The following USP42 variants were observed in gnomAD, a reference collection of about 807,000 sequenced individuals.
USP42 encodes the protein ubiquitin carboxyl-terminal hydrolase 42.
Under a neutral mutation model 113.0 loss-of-function variants are expected in USP42, and 23 were observed. The observed-to-expected ratio is 0.20, with a 90% CI of 0.15 to 0.29. The LOEUF (loss-of-function observed/expected upper bound fraction) is 0.29. Ranked by LOEUF, USP42 falls within the 10% of genes least tolerant of loss-of-function variation. The pLI, the probability that USP42 is intolerant of heterozygous loss-of-function variation, is 1.00. For missense variants in USP42, 2,174 were observed against 1,779.8 expected, an observed-to-expected ratio of 1.22 and a Z score of -3.99; for synonymous variants, 933 against 699.0, an observed-to-expected ratio of 1.33 and a Z score of -5.28.
intron 3 of USP42, among the ~76,000 whole-genome samples, chr7:6,122,280 T>G (rs780153330): frequency 4.6e-4 from 42 of 90,908 alleles, no homozygotes; most frequent in South Asian, 2.5e-3. Context: ...CATGTGTCAG[T>G]TTTTTTTTTT....
At position 6,153,984 on chromosome 7, in the gene USP42, G is replaced by C. The variant is rs746891100; in HGVS notation, c.2430G>C (p.Val810=). Residue 810 remains valine (V), a synonymous_variant, in exon 15 of 18, where the codon GTG becomes GTC. Transcript: ENST00000306177. ...CGCCCAGCGCCGGCGAGGACATCGT[G>C]GGGGACACAGCACCCCCTGACCTGT... The part of the protein sequence containing the change: ...EPPPSAGEDI[V]GDTAPPDLCD... 3.8e-6 allele frequency: 6 copies of C among 1,597,992 alleles called. No individual in the cohort carries two copies. In the South Asian group the frequency reaches 5.5e-5, roughly 15 times the overall value.
At chr7:6,086,495 G>A in the USP42 span, among the ~76,000 whole-genome samples, 73 of 151,100 alleles carry the variant, frequency 4.8e-4, no homozygotes, top group East Asian at 0.012. Context: ...GTGAGCCACC[G>A]CGCCCAGCCT....
chr7:6,153,731 G>A (rs1562853336), intron 14 of USP42, 25 bp from the exon 15 acceptor site: 3 of 1,432,544 alleles, frequency 2.1e-6, no homozygotes, highest in East Asian at 2.7e-5. Flanking sequence ...GCTAACGGGC[G>A]TGTTTGTTTG....
intron 3 of USP42, among the ~76,000 whole-genome samples, chr7:6,124,708 A>AT (rs1052973785): frequency 6.6e-6 from 1 of 151,120 alleles, no homozygotes; most frequent in African/African-American, 2.4e-5. Context: ...CCATCTTGCT[A>AT]TTTTTTTTCC....
At chr7:6,096,598 C>G in the USP42 span, among the ~76,000 whole-genome samples, 1 of 151,452 alleles carries the variant, frequency 6.6e-6, no homozygotes, top group East Asian at 1.9e-4. Flanking sequence ...TGCATTCCAT[C>G]CAAGGTTTGG....
intron 3 of USP42, among the ~76,000 whole-genome samples, chr7:6,119,327 C>G (rs1049539129): frequency 6.6e-5 from 10 of 152,032 alleles, no homozygotes; most frequent in Non-Finnish European, 1.2e-4. Context: ...AAAAAAAATT[C>G]TCTGGGTGTG....
chr7:6,137,317 T>C (rs1450275785), intron 4 of USP42, among the ~76,000 whole-genome samples: 1 of 152,254 alleles, frequency 6.6e-6, no homozygotes, highest in African/African-American at 2.4e-5. Context: ...TGGCAAAATT[T>C]AGCCAGGCAG....
At chr7:6,151,265 C>T (rs368591682) in intron 14 of USP42, among the ~76,000 whole-genome samples, 3 of 152,216 alleles carry the variant, frequency 2.0e-5, no homozygotes, top group Non-Finnish European at 4.4e-5. Context: ...AAACACTGCA[C>T]ACTTCAGCCG....
intron 3 of USP42, among the ~76,000 whole-genome samples, chr7:6,120,326 T>A (rs953483112): frequency 6.6e-6 from 1 of 152,096 alleles, no homozygotes; most frequent in African/African-American, 2.4e-5. Flanking sequence ...CACTGTAACC[T>A]CCACCTCTTC....
the USP42 span, among the ~76,000 whole-genome samples, chr7:6,087,296 G>A: frequency 1.3e-5 from 2 of 149,910 alleles, no homozygotes. Flanking sequence ...CTACCAAAGT[G>A]CTGGGATTAC....
At chr7:6,083,654 T>G in the USP42 span, among the ~76,000 whole-genome samples, 1 of 150,620 alleles carries the variant, frequency 6.6e-6, no homozygotes. Flanking sequence ...TATAAGTATA[T>G]AGTATATTGA....
intron 11 of USP42, 98 bp downstream of exon 11, chr7:6,146,346 A>AC: frequency 1.2e-6 from 1 of 828,518 alleles, no homozygotes; most frequent in South Asian, 1.8e-5. Flanking sequence ...TTAAAAAAAA[A>AC]AAAAAACCCA....
chr7:6,159,334 C>T lies in USP42; in HGVS notation c.3944-116C>T, dbSNP rs965786392. On this transcript the variant is annotated intron_variant, in intron 16 of 17. Coordinates refer to ENST00000306177, the MANE Select transcript of USP42 (RefSeq NM_032172.3). The surrounding 1 kb of genome is among the most constrained non-coding windows in gnomAD (Gnocchi z 4.1). ...CACCTCACTGGGGAGTGGCCTCAGG[C>T]GCTCACAGGGAACCGCAGTGACTCT... The T allele has an allele frequency of 5.1e-6, 7 of 1,377,634 alleles. No homozygotes were observed. Among genetic ancestry groups the T allele is most frequent in the South Asian group, 2.5e-5 (2 of 79,440 alleles). The allele number at this position is 1,377,634 out of a possible 1,614,324, so 85.3% of individuals were successfully genotyped here. A position where few individuals can be genotyped will look rare whatever the true frequency, so the allele number is the denominator to read the frequency against.
intron 7 of USP42, among the ~76,000 whole-genome samples, chr7:6,142,298 C>A (rs1562837237): frequency 1.3e-5 from 2 of 151,154 alleles, no homozygotes; most frequent in South Asian, 4.2e-4. Flanking sequence ...CTCACTGCAA[C>A]CTCCACCTCC....
chr7:6,139,006 A>T lies in USP42; in HGVS notation c.554-86A>T. 1 of 825,074 alleles carries T rather than the reference A, an allele frequency of 1.2e-6. No homozygotes were observed. Among genetic ancestry groups the T allele is most frequent in the Non-Finnish European group, 1.9e-6 (1 of 535,952 alleles). The allele number at this position is 825,074 out of a possible 1,614,324, so 51.1% of individuals were successfully genotyped here. On this transcript the variant is annotated intron_variant, in intron 4 of 17. Coordinates refer to ENST00000306177, the MANE Select transcript of USP42 (RefSeq NM_032172.3). This position sits in a 1 kb window ranked among gnomAD's most constrained non-coding sequence, Gnocchi z 4.5. ...AGTATTTGGGAGTTTTCCAACCAAC[A>T]TATTATTATAAGATATATTTTGGGG...
At chr7:6,149,549 G>A (rs775537415) in intron 12 of USP42, 34 bp from the exon 13 acceptor site, 2 of 1,572,638 alleles carry the variant, frequency 1.3e-6, no homozygotes, top group Admixed American at 1.8e-5. Context: ...CATGTTTCTG[G>A]AGCTCTGACC....
Position 6,150,054 on chromosome 7 carries a change from A to C in USP42, c.1858A>C (p.Lys620Gln), listed in dbSNP as rs758584009. The C allele has an allele frequency of 1.2e-6, 2 of 1,610,132 alleles. No individual in the cohort carries two copies. The highest frequency in any genetic ancestry group is 1.3e-5 in the African/African-American group (1 of 74,848). The change falls in exon 13 of 18, where the codon AAG becomes CAG. Residue 620 changes from lysine to glutamine, a missense_variant. Transcript: ENST00000306177. ...ESSEDSDEESKGLGKENGIGT... is the reference protein window; with the variant it reads ...ESSEDSDEESQGLGKENGIGT... Reference sequence around the variant, plus strand: ...CTCTGAGGACTCTGACGAGGAGTCAAAGGGGCTGGGCAAGGAGAATGGGAT... The same window carrying C: ...CTCTGAGGACTCTGACGAGGAGTCACAGGGGCTGGGCAAGGAGAATGGGAT...
upstream of USP42, among the ~76,000 whole-genome samples, chr7:6,104,126 G>A (rs1417281902): frequency 1.3e-5 from 2 of 151,276 alleles, no homozygotes; most frequent in African/African-American, 4.9e-5. Flanking sequence ...CCAGGCTGGA[G>A]GGCTGCAGTG....
In USP42 at chr7:6,150,285, A is replaced by C. The variant is rs764835630; in HGVS notation, c.2089A>C (p.Asn697His). Residue 697 changes from asparagine (N) to histidine (H), a missense_variant, in exon 13 of 18, where the codon AAC (asparagine) becomes CAC (histidine). Physicochemically the swap from Asn to His is moderately conservative, Grantham distance 68. Coordinates refer to ENST00000306177, the MANE Select transcript of USP42 (RefSeq NM_032172.3). ...LHSENPFAKANGLPGKLMPAP... is the reference protein window; with the variant it reads ...LHSENPFAKAHGLPGKLMPAP... ...CTCAGAAAATCCCTTTGCTAAGGCA[A>C]ACGGTCTTCCTGGAAAGGTGAGTGC... 16 of 1,613,108 alleles carry C rather than the reference A, an allele frequency of 9.9e-6. No homozygotes were observed. The highest frequency in any genetic ancestry group is 4.0e-5 in the African/African-American group (3 of 74,926).
Sources: gnomAD v4.1 joint callset for allele counts (sites outside exome capture counted in the v4.1 genomes callset) on GRCh38, gnomAD v4.1.1 for gene constraint, Gnocchi (gnomAD v3.1) non-coding constraint, MANE v1.5 for transcripts, NCBI Gene and HGNC (gene_info 2026-07-23, HGNC 2026-07-21) for gene names.